Variants in PRRC2B observed in about 807,000 individuals in gnomAD.
PRRC2B encodes the protein protein PRRC2B.
In PRRC2B, 68 loss-of-function variants were observed where a neutral mutation model predicts 242.3. The ratio of observed to expected loss-of-function variants is 0.28; its 90% CI spans 0.23 to 0.34. PRRC2B has a LOEUF of 0.34. Ranked by LOEUF, PRRC2B falls within the 10% of genes least tolerant of loss-of-function variation. PRRC2B has a pLI of 1.00. For missense variants in PRRC2B, 2,835 were observed against 2,954.8 expected, an observed-to-expected ratio of 0.96 and a Z score of 0.94; for synonymous variants, 1,228 against 1,173.6, an observed-to-expected ratio of 1.05 and a Z score of -0.95.
chr9:131,397,303 G>C (rs775592010), intron 1 of PRRC2B, among the ~76,000 whole-genome samples: 37 of 152,236 alleles, frequency 2.4e-4, no homozygotes, highest in African/African-American at 8.4e-4. Flanking sequence ...GTCCCATCTC[G>C]TACAGTGGCC....
intron 9 of PRRC2B, among the ~76,000 whole-genome samples, chr9:131,454,784 C>T (rs992329898): frequency 2.0e-5 from 3 of 152,126 alleles, no homozygotes; most frequent in Admixed American, 6.6e-5. Context: ...TACAGGCACA[C>T]GCCACCATGC....
intron 10 of PRRC2B, among the ~76,000 whole-genome samples, chr9:131,455,537 G>A (rs1943047962): frequency 1.7e-5 from 2 of 118,262 alleles, no homozygotes; most frequent in South Asian, 5.6e-4. Context: ...TTTTTTTTGA[G>A]ACAGGCTCTC....
At chr9:131,420,501 T>TCTTTCTTTC (rs1837804218) in intron 1 of PRRC2B, among the ~76,000 whole-genome samples, 2 of 19,022 alleles carry the variant, frequency 1.1e-4, no homozygotes, top group African/African-American at 2.8e-4. Flanking sequence ...TTCTTTTTTT[T>TCTTTCTTTC]TTTTTTTTTG....
In PRRC2B at chr9:131,447,685, C is replaced by A; in HGVS notation, c.1001C>A (p.Ser334Tyr). 1 of 1,609,476 alleles carries A rather than the reference C, an allele frequency of 6.2e-7. No individual in the cohort carries two copies. ...QDGKENRLGL[S>Y]RPLRPLRQLV... The stretch of plus-strand genomic sequence containing the variant: ...AGAAAAGAAAACAGGCTGGGATTGT[C>A]TCGCCCACTCCGCCCACTAAGGCAG... The change falls in exon 9 of 32, where the codon TCT becomes TAT. Residue 334 changes from serine (S) to tyrosine (Y), a missense_variant. Coordinates refer to ENST00000683519, the MANE Select transcript of PRRC2B (RefSeq NM_013318.4).
At chr9:131,444,864 G>C (rs1370204724) in intron 6 of PRRC2B, among the ~76,000 whole-genome samples, 1 of 152,194 alleles carries the variant, frequency 6.6e-6, no homozygotes, top group Non-Finnish European at 1.5e-5. Context: ...GGATTGTGTA[G>C]CACTGGCTGG....
chr9:131,464,515 T>C (rs900045115), intron 11 of PRRC2B, among the ~76,000 whole-genome samples: 6 of 152,172 alleles, frequency 3.9e-5, no homozygotes, highest in African/African-American at 1.4e-4. Context: ...TCCTAAGAGC[T>C]TCCTTTGTTG....
rs117280533 is a variant in PRRC2B, at chr9:131,487,824, C to A, written c.5985-32C>A. On this transcript the variant is annotated intron_variant, in intron 27 of 31. Coordinates refer to ENST00000683519, the MANE Select transcript of PRRC2B (RefSeq NM_013318.4). The surrounding 1 kb of genome is among the most constrained non-coding windows in gnomAD (Gnocchi z 5.3). Reference sequence around the variant, plus strand: ...CCAGATCCGCAGCTGGACTCATCCACCTGATCCCGACCATCTGTCTGGCTT... The same window carrying A: ...CCAGATCCGCAGCTGGACTCATCCAACTGATCCCGACCATCTGTCTGGCTT... The A allele has an allele frequency of 1.3e-6, 2 of 1,589,364 alleles. No homozygotes were observed. The highest frequency in any genetic ancestry group is 1.7e-6 in the Non-Finnish European group (2 of 1,162,298).
chr9:131,423,774 C>A (rs1384316352), intron 1 of PRRC2B, among the ~76,000 whole-genome samples: 1 of 152,198 alleles, frequency 6.6e-6, no homozygotes, highest in Non-Finnish European at 1.5e-5. Context: ...CTTGTGCAGT[C>A]TTCACTGTGG....
chr9:131,425,455 G>A (rs1020427315), intron 1 of PRRC2B, among the ~76,000 whole-genome samples: 1 of 152,056 alleles, frequency 6.6e-6, no homozygotes, highest in African/African-American at 2.4e-5. Context: ...GTAGAGGCCA[G>A]GGCAAACAGC....
chr9:131,385,696 C>T (rs572226011), intron 1 of PRRC2B, among the ~76,000 whole-genome samples: 10 of 150,670 alleles, frequency 6.6e-5, no homozygotes, highest in African/African-American at 2.4e-4. Context: ...CAACAGCTAT[C>T]CTCATTCTTT....
intron 8 of PRRC2B, 59 bp downstream of exon 8, chr9:131,447,265 A>G: frequency 6.3e-7 from 1 of 1,597,622 alleles, no homozygotes; most frequent in South Asian, 1.1e-5. Flanking sequence ...GATTCTGGTC[A>G]AGATGAGGGG....
At chr9:131,481,087 G>T (rs1390134338) in intron 19 of PRRC2B, among the ~76,000 whole-genome samples, 1 of 151,724 alleles carries the variant, frequency 6.6e-6, no homozygotes, top group Non-Finnish European at 1.5e-5. Flanking sequence ...AGATCACCAG[G>T]TCAGGAGATC....
chr9:131,397,564 T>TTTG (rs1837100058), intron 1 of PRRC2B, among the ~76,000 whole-genome samples: 1 of 2,652 alleles, frequency 3.8e-4, no homozygotes, highest in Admixed American at 9.4e-3. Context: ...CTTTTGAGGG[T>TTTG]TTTTTTTTTT....
chr9:131,385,561 A>G (rs1030942806), intron 1 of PRRC2B, among the ~76,000 whole-genome samples: 1 of 150,466 alleles, frequency 6.6e-6, no homozygotes, highest in Non-Finnish European at 1.5e-5. Context: ...GTCCTTGCCT[A>G]TGTAAGTCAC....
At chr9:131,444,037 G>A (rs1254637305) in intron 5 of PRRC2B, 148 bp from the exon 6 acceptor site, 20 of 815,674 alleles carry the variant, frequency 2.5e-5, no homozygotes, top group Non-Finnish European at 3.8e-5. Context: ...GCACCCTCGT[G>A]GCATCTGCCA....
At chr9:131,483,301 G>A in intron 22 of PRRC2B, 58 bp from the exon 23 acceptor site, 2 of 1,484,360 alleles carry the variant, frequency 1.3e-6, no homozygotes, top group Non-Finnish European at 1.9e-6. Flanking sequence ...GTATGCCTCT[G>A]GGGAATGTAG....
Position 131,475,279 on chromosome 9 carries a change from C to T in PRRC2B, c.3150C>T (p.Ile1050=). Residue 1050 remains isoleucine, a synonymous_variant, in exon 16 of 32, where the codon ATC becomes ATT. Transcript: ENST00000683519. ...CCCCCATGAAGAGAAATAACTGGAT[C>T]TTTATTGATGAGGAGCAAGCCTTTG... ...DVPPMKRNNW[I]FIDEEQAFGV... The T allele has an allele frequency of 6.2e-7, 1 of 1,612,452 alleles. No individual in the cohort carries two copies. The highest frequency in any genetic ancestry group is 1.1e-5 in the South Asian group (1 of 90,972).
intron 1 of PRRC2B, among the ~76,000 whole-genome samples, chr9:131,425,672 G>A (rs1322320234): frequency 1.3e-5 from 2 of 151,010 alleles, no homozygotes; most frequent in Admixed American, 6.6e-5. Flanking sequence ...TGTATTATTA[G>A]TAGAGATGGG....
intron 3 of PRRC2B, among the ~76,000 whole-genome samples, chr9:131,433,434 G>GC (rs775626171): frequency 2.0e-5 from 3 of 152,198 alleles, no homozygotes; most frequent in Non-Finnish European, 2.9e-5. Context: ...CAGAGAAACA[G>GC]CCCCTGTGTG....
Sources: gnomAD v4.1 joint callset for allele counts (sites outside exome capture counted in the v4.1 genomes callset) on GRCh38, gnomAD v4.1.1 for gene constraint, Gnocchi (gnomAD v3.1) non-coding constraint, MANE v1.5 for transcripts, NCBI Gene and HGNC (gene_info 2026-07-23, HGNC 2026-07-21) for gene names.